KCNQ5: variants seen among roughly 807,000 people sequenced by gnomAD.
KCNQ5 encodes potassium voltage-gated channel subfamily KQT member 5.
KCNQ5 carries 30 observed loss-of-function variants against 98.2 expected under a neutral mutation model. That is an observed-to-expected ratio of 0.31 (90% CI 0.23 to 0.41). KCNQ5 has a LOEUF of 0.41. Among genes scored for constraint, KCNQ5 ranks in the 10% least tolerant of loss-of-function variants. The pLI, the probability that KCNQ5 is intolerant of heterozygous loss-of-function variation, is 1.00. For synonymous variants in KCNQ5, 458 were observed against 449.4 expected (o/e 1.02, Z -0.24); for missense variants, 835 against 1,182.5 (o/e 0.71, Z 4.31).
At chr6:73,175,301 C>T (rs1295915000) in intron 11 of KCNQ5, among the ~76,000 whole-genome samples, 3 of 152,080 alleles carry the variant, frequency 2.0e-5, no homozygotes, top group East Asian at 3.8e-4. Flanking sequence ...CAGACATGCA[C>T]GACCATGACT....
At chr6:72,833,037 C>T (rs569081995) in intron 1 of KCNQ5, among the ~76,000 whole-genome samples, 2 of 152,256 alleles carry the variant, frequency 1.3e-5, no homozygotes, top group East Asian at 3.9e-4. Context: ...CCAAATGTTT[C>T]TGCACGTGGA....
At chr6:72,910,466 C>T (rs985891475) in intron 1 of KCNQ5, among the ~76,000 whole-genome samples, 6 of 151,846 alleles carry the variant, frequency 4.0e-5, no homozygotes, top group African/African-American at 1.5e-4. Context: ...CATTCTCTTA[C>T]CTATCATTCT....
chr6:72,632,721 G>A (rs898488384), intron 1 of KCNQ5, among the ~76,000 whole-genome samples: 4 of 151,962 alleles, frequency 2.6e-5, no homozygotes, highest in East Asian at 1.9e-4. Flanking sequence ...TAGGATTATC[G>A]CTTCCAGCTA....
chr6:72,915,952 G>C lies in KCNQ5; in HGVS notation c.399-87956G>C, dbSNP rs549912975. 1.8e-4 allele frequency among the ~76,000 whole-genome samples: 27 copies of C among 152,240 alleles called. No individual in the cohort carries two copies. The South Asian group carries it at 5.6e-3, about 32-fold the overall frequency. On this transcript the variant is annotated intron_variant, in intron 1 of 13. Coordinates refer to ENST00000370398, the MANE Select transcript of KCNQ5 (RefSeq NM_019842.4). ...AGTACCAAAATTCTCACCTAAACTA[G>C]AATTTCTAGTGCAAGCAGAGCCTCA...
intron 1 of KCNQ5, among the ~76,000 whole-genome samples, chr6:72,922,870 G>A (rs1780471251): frequency 7.7e-6 from 1 of 129,268 alleles, no homozygotes; most frequent in African/African-American, 3.0e-5. Context: ...GGAGTGCAGT[G>A]TCTCAATCTT....
chr6:72,693,549 A>G (rs964318314), intron 1 of KCNQ5, among the ~76,000 whole-genome samples: 1 of 152,264 alleles, frequency 6.6e-6, no homozygotes, highest in South Asian at 2.1e-4. Flanking sequence ...GAGGAAAAAA[A>G]GGGTAAGATT....
intron 1 of KCNQ5, among the ~76,000 whole-genome samples, chr6:73,000,386 C>T (rs556709069): frequency 6.6e-6 from 1 of 152,162 alleles, no homozygotes; most frequent in Non-Finnish European, 1.5e-5. Context: ...CTAGAATATC[C>T]TCTATGCTTA....
intron 1 of KCNQ5, among the ~76,000 whole-genome samples, chr6:72,930,312 G>A (rs766533754): frequency 2.0e-5 from 3 of 152,024 alleles, no homozygotes; most frequent in Admixed American, 6.6e-5. Context: ...TCTGAAAGGA[G>A]CAACTATGTC....
chr6:73,090,280 G>GT, intron 5 of KCNQ5, among the ~76,000 whole-genome samples: 1 of 151,932 alleles, frequency 6.6e-6, no homozygotes. Flanking sequence ...ATGTTGATTT[G>GT]TTTGAGTTCA....
chr6:72,637,658 A>G (rs2098924960), intron 1 of KCNQ5, among the ~76,000 whole-genome samples: 2 of 152,226 alleles, frequency 1.3e-5, no homozygotes, highest in Admixed American at 1.3e-4. Context: ...AAAGAATTGC[A>G]AAGTGAGATT....
intron 11 of KCNQ5, among the ~76,000 whole-genome samples, chr6:73,183,597 TAAG>T (rs1367065776): frequency 6.6e-6 from 1 of 152,028 alleles, no homozygotes; most frequent in Non-Finnish European, 1.5e-5. Context: ...ACCAGAGAAA[TAAG>T]AAAATGCTGC....
intron 1 of KCNQ5, among the ~76,000 whole-genome samples, chr6:72,900,940 T>C (rs540005586): frequency 6.6e-6 from 1 of 152,332 alleles, no homozygotes; most frequent in East Asian, 1.9e-4. Flanking sequence ...TGGCCATTTG[T>C]ATATCTTCTT....
intron 1 of KCNQ5, among the ~76,000 whole-genome samples, chr6:72,713,428 C>A (rs1171658429): frequency 6.6e-6 from 1 of 152,182 alleles, no homozygotes; most frequent in African/African-American, 2.4e-5. Context: ...AGAAGTCCAA[C>A]CAATCACCAA....
Position 72,976,946 on chromosome 6 carries a change from C to T in KCNQ5, c.399-26962C>T, listed in dbSNP as rs1416475694. Among the ~76,000 whole-genome samples, 7 of 152,256 alleles carry T rather than the reference C, an allele frequency of 4.6e-5. No individual in the cohort carries two copies. The East Asian group carries it at 1.4e-3, about 29-fold the overall frequency. On this transcript the variant is annotated intron_variant, in intron 1 of 13. Transcript: ENST00000370398. ...TAGACCAAGCCAGATTACTTGAGCA[C>T]CTTAAATTTTGCTGGGTATTGTTTC...
chr6:73,074,500 T>G (rs893997991), intron 3 of KCNQ5, among the ~76,000 whole-genome samples: 8 of 152,220 alleles, frequency 5.3e-5, no homozygotes, highest in Non-Finnish European at 8.8e-5. Flanking sequence ...ACATTTAGAT[T>G]GTGATTCACT....
chr6:72,868,046 C>T (rs1778062557), intron 1 of KCNQ5, among the ~76,000 whole-genome samples: 1 of 152,062 alleles, frequency 6.6e-6, no homozygotes, highest in Admixed American at 6.6e-5. Context: ...TTCCAAGGAA[C>T]AGACCAGGGC....
At chr6:72,767,174 T>A (rs7751090) in intron 1 of KCNQ5, among the ~76,000 whole-genome samples, 1 of 151,756 alleles carries the variant, frequency 6.6e-6, no homozygotes, top group African/African-American at 2.4e-5. Flanking sequence ...TCTTTTGGTA[T>A]GTTAAATTTA....
chr6:72,845,731 A>T (rs1402437327), intron 1 of KCNQ5, among the ~76,000 whole-genome samples: 2 of 152,220 alleles, frequency 1.3e-5, no homozygotes, highest in East Asian at 1.9e-4. Context: ...ATAAATAAGC[A>T]TATTAAAGTG....
At chr6:72,733,305 A>G (rs140624778) in intron 1 of KCNQ5, among the ~76,000 whole-genome samples, 78 of 152,340 alleles carry the variant, frequency 5.1e-4, no homozygotes, top group Middle Eastern at 3.4e-3. Flanking sequence ...GTAGCACTGT[A>G]GAAGTAAAGA....
Sources: gnomAD v4.1 joint callset for allele counts (sites outside exome capture counted in the v4.1 genomes callset) on GRCh38, gnomAD v4.1.1 for gene constraint, MANE v1.5 for transcripts, NCBI Gene and HGNC (gene_info 2026-07-23, HGNC 2026-07-21) for gene names.